UGGT1: variants seen among roughly 807,000 people sequenced by gnomAD.
The protein encoded by UGGT1 is UDP-glucose glycoprotein glucosyltransferase 1, also known as UDP-glucose:glycoprotein glucosyltransferase 1.
Under a neutral mutation model 203.9 loss-of-function variants are expected in UGGT1, and 107 were observed. The observed-to-expected ratio is 0.52, with a 90% confidence interval of 0.45 to 0.62. The LOEUF (loss-of-function observed/expected upper bound fraction) is 0.62, where lower values mean the gene tolerates loss of function less well. Among genes scored for constraint, UGGT1 ranks in the 20% least tolerant of loss-of-function variants. The pLI, the probability that UGGT1 is intolerant of heterozygous loss-of-function variation, is 0.00. For synonymous variants in UGGT1, 628 were observed against 653.5 expected (o/e 0.96, Z 0.59); for missense variants, 1,673 against 1,867.2 (o/e 0.90, Z 1.92).
Position 128,170,327 on chromosome 2 carries a change from T to G in UGGT1, c.2961T>G (p.Phe987Leu), listed in dbSNP as rs1389561143. The stretch of plus-strand genomic sequence containing the variant: ...GGCCGAAGGAAGGGGAGACATACTT[T>G]GATGTTGTGGCTGTCGTTGACCCTG... ...KLRPKEGETY[F>L]DVVAVVDPVT... The change falls in exon 27 of 41, where the codon TTT becomes TTG. Residue 987 changes from phenylalanine (F) to leucine (L), a missense_variant. By Grantham distance (22) the Phe-to-Leu change is conservative. Transcript: ENST00000259253. 3.1e-6 allele frequency: 5 copies of G among 1,614,144 alleles called. No individual in the cohort carries two copies. Among genetic ancestry groups the G allele is most frequent in the Non-Finnish European group, 4.2e-6 (5 of 1,180,040 alleles).
intron 8 of UGGT1, among the ~76,000 whole-genome samples, chr2:128,118,838 T>G (rs1479135232): frequency 1.3e-5 from 2 of 151,898 alleles, no homozygotes; most frequent in Non-Finnish European, 2.9e-5. Context: ...TCACTTCAGT[T>G]TTTGTATTTG....
intron 34 of UGGT1, among the ~76,000 whole-genome samples, chr2:128,179,215 C>G (rs1691561574): frequency 6.6e-6 from 1 of 152,128 alleles, no homozygotes; most frequent in Non-Finnish European, 1.5e-5. Flanking sequence ...TTTTAGCCCT[C>G]TTATTTCCAA....
At position 128,195,463 on chromosome 2, in the gene UGGT1, T is replaced by A. The variant is rs898318938; in HGVS notation, c.*5721T>A. The A allele has an allele frequency of 2.0e-5, 3 of 152,244 alleles. No homozygotes were observed. Among genetic ancestry groups the A allele is most frequent in the East Asian group, 3.8e-4 (2 of 5,198 alleles). The allele number at this position is 152,244 out of a possible 1,614,324, so 9.4% of individuals were successfully genotyped here. On this transcript the variant is annotated 3_prime_UTR_variant, in exon 41 of 41. Transcript: ENST00000259253. ...TAATTTTTAAGGAAACTGTGTACTT[T>A]AAAAATCTTCTTTATGAATATCCAA...
chr2:128,161,056 A>G, intron 24 of UGGT1, 82 bp from the exon 25 acceptor site: 2 of 1,531,816 alleles, frequency 1.3e-6, no homozygotes, highest in Non-Finnish European at 1.8e-6. Context: ...AGGTAGCCTG[A>G]GGACGCCAGA....
At position 128,186,732 on chromosome 2, in the gene UGGT1, A is replaced by C. The variant is rs765760622; in HGVS notation, c.4409A>C (p.Gln1470Pro). 3 of 1,613,830 alleles carry C rather than the reference A, an allele frequency of 1.9e-6. No individual in the cohort carries two copies. The highest frequency in any genetic ancestry group is 1.1e-5 in the South Asian group (1 of 91,038). ...IHQVPIKSLPQEWLWCETWCD... is the reference protein window; with the variant it reads ...IHQVPIKSLPPEWLWCETWCD... ...CAGGTGCCAATTAAATCCCTCCCTC[A>C]AGAATGGCTTTGGTGTGAAACGTGG... The change falls in exon 39 of 41, where the codon CAA becomes CCA. Residue 1470 changes from glutamine (Q) to proline (P), a missense_variant. Physicochemically the swap from Gln to Pro is moderately conservative, Grantham distance 76. Transcript: ENST00000259253.
At chr2:128,173,184 A>G (rs566080784) in intron 29 of UGGT1, among the ~76,000 whole-genome samples, 14 of 152,360 alleles carry the variant, frequency 9.2e-5, no homozygotes, top group Middle Eastern at 3.4e-3. Context: ...TTCAAGATCC[A>G]TCCATGCTGT....
intron 39 of UGGT1, among the ~76,000 whole-genome samples, chr2:128,187,043 C>A (rs1692018177): frequency 6.6e-6 from 1 of 152,056 alleles, no homozygotes; most frequent in Admixed American, 6.5e-5. Flanking sequence ...TTTGTTGGGG[C>A]TATTCTTATA....
rs1489164249 is a variant in UGGT1, at chr2:128,181,007, A to C, written c.4018A>C (p.Ile1340Leu). Residue 1340 changes from isoleucine (I) to leucine (L), a missense_variant, in exon 36 of 41, where the codon ATC (isoleucine) becomes CTC (leucine). Physicochemically the swap from Ile to Leu is conservative, Grantham distance 5. This residue lies in a region of UGGT1 where 513 missense variants were observed against 684.1 expected (regional missense o/e 0.75). Coordinates refer to ENST00000259253, the MANE Select transcript of UGGT1 (RefSeq NM_020120.4). ...ACAGCGTATCATCTGGGGTTACAAG[A>C]TCCTCTTCCTGGATGTACTTTTCCC... is the stretch of plus-strand genomic sequence containing the variant. ...EKQRIIWGYK[I>L]LFLDVLFPLV... 6.2e-7 allele frequency: 1 copy of C among 1,614,118 alleles called. No homozygotes were observed. The highest frequency in any genetic ancestry group is 1.7e-5 in the Admixed American group (1 of 60,016).
At chr2:128,189,659 T>C in intron 40 of UGGT1, 58 bp from the exon 41 acceptor site, 1 of 1,570,146 alleles carries the variant, frequency 6.4e-7, no homozygotes, top group Non-Finnish European at 8.7e-7. Flanking sequence ...GCCCACTCAG[T>C]GGTGTTTGTA....
chr2:128,155,551 G>A lies in UGGT1; in HGVS notation c.2200G>A (p.Ala734Thr). ...CTTGGATTCCCAAGGCAAGACTGCTGCTGTAGCCAATAGTATGAACTATCT... is the reference window on the plus strand; with the variant it reads ...CTTGGATTCCCAAGGCAAGACTGCTACTGTAGCCAATAGTATGAACTATCT... The part of the protein sequence containing the change: ...TILDSQGKTA[A>T]VANSMNYLTK... Residue 734 changes from alanine (A) to threonine (T), a missense_variant, in exon 20 of 41, where the codon GCT becomes ACT. Transcript: ENST00000259253. 4 of 1,613,294 alleles carry A rather than the reference G, an allele frequency of 2.5e-6. No homozygotes were observed. Among genetic ancestry groups the A allele is most frequent in the African/African-American group, 2.7e-5 (2 of 74,890 alleles).
At position 128,132,558 on chromosome 2, in the gene UGGT1, A is replaced by T. The variant is rs115710151; in HGVS notation, c.1378-583A>T. On this transcript the variant is annotated intron_variant, in intron 13 of 40. Transcript: ENST00000259253. Reference sequence around the variant, plus strand: ...GAGACTTCATCTCAAAAACAAAAACAAACAAACAAAAAAAATTTCGCTTCT... The same window carrying T: ...GAGACTTCATCTCAAAAACAAAAACTAACAAACAAAAAAAATTTCGCTTCT... 7.1e-3 allele frequency among the ~76,000 whole-genome samples: 1,084 copies of T among 152,286 alleles called. 15 individuals carry two copies. The highest frequency in any genetic ancestry group is 0.021 in the African/African-American group (889 of 41,560).
At chr2:128,120,948 A>C (rs1688353034) in intron 9 of UGGT1, among the ~76,000 whole-genome samples, 1 of 26,168 alleles carries the variant, frequency 3.8e-5, no homozygotes, top group African/African-American at 5.8e-5. Flanking sequence ...CCTGTGCTAC[A>C]TGCGTTAGTG....
chr2:128,104,220 C>G (rs1266856315), intron 3 of UGGT1, among the ~76,000 whole-genome samples: 1 of 152,140 alleles, frequency 6.6e-6, no homozygotes, highest in Non-Finnish European at 1.5e-5. Context: ...TAAGTGGTAC[C>G]TTTGTTTTTT....
chr2:128,132,699 G>A (rs150804604), intron 13 of UGGT1, among the ~76,000 whole-genome samples: 4 of 151,778 alleles, frequency 2.6e-5, no homozygotes, highest in Non-Finnish European at 4.4e-5. Flanking sequence ...TTTTCCACTC[G>A]ATCTTTGTAT....
rs755271385 is a variant in UGGT1, at chr2:128,170,398, C to T, written c.3024+8C>T. ...CTTGCTCCTTTGCTCTTGGTAGGAA[C>T]GCTGTGCAGGAAGTGTACATCACCT... On this transcript the variant is annotated splice_region_variant and intron_variant, in intron 27 of 40. Transcript: ENST00000259253. The T allele has an allele frequency of 7.4e-6, 12 of 1,611,562 alleles. No individual in the cohort carries two copies. Among genetic ancestry groups the T allele is most frequent in the East Asian group, 4.5e-5 (2 of 44,876 alleles).
At chr2:128,108,901 A>AT (rs200000254) in intron 4 of UGGT1, among the ~76,000 whole-genome samples, 73 of 149,730 alleles carry the variant, frequency 4.9e-4, no homozygotes, top group East Asian at 3.5e-3. Flanking sequence ...CAATAAAGTG[A>AT]TTTTTTTTTT....
chr2:128,110,165 C>G (rs890494012), intron 5 of UGGT1, among the ~76,000 whole-genome samples: 1 of 152,124 alleles, frequency 6.6e-6, no homozygotes, highest in African/African-American at 2.4e-5. Flanking sequence ...AAGATAATTG[C>G]AGGCTTGATT....
In UGGT1 at chr2:128,104,893, C is replaced by T. The variant is rs151032289; in HGVS notation, c.277+879C>T. On this transcript the variant is annotated intron_variant, in intron 3 of 40. Transcript: ENST00000259253. ...AACTTTTGACCTCAAGTGATCCACC[C>T]GCCTCAGCCTCCCAAAGTGCTGGGA... Among the ~76,000 whole-genome samples the T allele has an allele frequency of 9.6e-3, 1,455 of 152,200 alleles. 23 individuals are homozygous for T. Among genetic ancestry groups the T allele is most frequent in the African/African-American group, 0.032 (1,328 of 41,540 alleles).
chr2:128,180,131 C>T (rs1014885355), intron 35 of UGGT1, among the ~76,000 whole-genome samples: 1 of 152,152 alleles, frequency 6.6e-6, no homozygotes, highest in African/African-American at 2.4e-5. Flanking sequence ...ACTGAGATAA[C>T]GTTTCCTTCC....
Sources: gnomAD v4.1 joint callset for allele counts (sites outside exome capture counted in the v4.1 genomes callset) on GRCh38, gnomAD v4.1.1 for gene constraint, gnomAD v4.1.1 regional missense constraint, MANE v1.5 for transcripts, NCBI Gene and HGNC (gene_info 2026-07-23, HGNC 2026-07-21) for gene names.